Variants in DIAPH1 observed in about 807,000 individuals in gnomAD.
DIAPH1 encodes diaphanous related formin 1.
In DIAPH1, 46 loss-of-function variants were observed where a neutral mutation model predicts 140.7. That is an observed-to-expected ratio of 0.33 (90% CI 0.26 to 0.42). The LOEUF (loss-of-function observed/expected upper bound fraction) is 0.42. Ranked by LOEUF, DIAPH1 falls within the 10% of genes least tolerant of loss-of-function variation. DIAPH1 has a pLI of 1.00. For missense variants in DIAPH1, 1,310 were observed against 1,558.7 expected, an observed-to-expected ratio of 0.84 and a Z score of 2.69; for synonymous variants, 565 against 551.6, an observed-to-expected ratio of 1.02 and a Z score of -0.34.
intron 18 of DIAPH1, among the ~76,000 whole-genome samples, chr5:141,543,008 A>G (rs1288529881): frequency 6.6e-6 from 1 of 152,148 alleles, no homozygotes; most frequent in Non-Finnish European, 1.5e-5. Context: ...ACTTGTATTT[A>G]GAAGATGCAT....
intron 1 of DIAPH1, among the ~76,000 whole-genome samples, chr5:141,602,281 A>G (rs999372336): frequency 2.6e-5 from 4 of 152,190 alleles, no homozygotes; most frequent in African/African-American, 4.8e-5. Context: ...CAGTGGCGCA[A>G]TCTTGGCTCA....
Position 141,615,414 on chromosome 5 carries a change from C to G in DIAPH1, c.117+3384G>C, listed in dbSNP as rs369637094. Among the ~76,000 whole-genome samples the G allele has an allele frequency of 1.2e-4, 14 of 114,562 alleles. 1 individual carries two copies. The South Asian group carries it at 3.7e-3, about 30-fold the overall frequency. The allele number at this position is 114,562 out of a possible 152,430, so 75.2% of individuals were successfully genotyped here. A position where few individuals can be genotyped will look rare whatever the true frequency, so the allele number is the denominator to read the frequency against. ...CGCCACTGCACTGCAGCCTTGGACA[C>G]AGCAAGACTCGTCTCAGAAAAAGAA... On this transcript the variant is annotated intron_variant, in intron 1 of 27. Transcript: ENST00000389054.
intron 18 of DIAPH1, among the ~76,000 whole-genome samples, chr5:141,548,290 A>C (rs1227874125): frequency 6.6e-6 from 1 of 152,052 alleles, no homozygotes; most frequent in Non-Finnish European, 1.5e-5. Flanking sequence ...TAAAAAAAAA[A>C]AAAAGAAAAA....
intron 26 of DIAPH1, chr5:141,524,451 C>G: frequency 1.7e-6 from 1 of 581,400 alleles, no homozygotes; most frequent in Non-Finnish European, 3.1e-6. Flanking sequence ...TGCCTATTAT[C>G]CAATGCAGAC....
intron 6 of DIAPH1, 95 bp downstream of exon 6, chr5:141,583,111 A>G (rs887951141): frequency 9.0e-7 from 1 of 1,114,422 alleles, no homozygotes; most frequent in Admixed American, 1.7e-5. Context: ...CTAGCCCACA[A>G]CTTTACATTT....
At chr5:141,614,288 T>C (rs2099902297) in intron 1 of DIAPH1, among the ~76,000 whole-genome samples, 1 of 152,200 alleles carries the variant, frequency 6.6e-6, no homozygotes, top group African/African-American at 2.4e-5. Context: ...TATTTTAACC[T>C]GTTCTTCTAA....
chr5:141,607,796 T>C (rs1414995577), intron 1 of DIAPH1, among the ~76,000 whole-genome samples: 1 of 152,192 alleles, frequency 6.6e-6, no homozygotes, highest in Admixed American at 6.5e-5. Context: ...TTTCCCTCTC[T>C]ACTCTGCCAA....
intron 1 of DIAPH1, among the ~76,000 whole-genome samples, chr5:141,591,838 C>T (rs1330994395): frequency 6.7e-6 from 1 of 149,796 alleles, no homozygotes; most frequent in African/African-American, 2.5e-5. Flanking sequence ...AATCCCAGCA[C>T]TTTGGGAGGC....
In DIAPH1 at chr5:141,573,357, C is replaced by A; in HGVS notation, c.2358+135G>T. ...GGCTGAGGCAGGAGAATGGCGTGAACCCGGGAGGCGGAGCTTGCAGTGAGC... is the reference window on the plus strand; with the variant it reads ...GGCTGAGGCAGGAGAATGGCGTGAAACCGGGAGGCGGAGCTTGCAGTGAGC... On this transcript the variant is annotated intron_variant, in intron 16 of 27. Transcript: ENST00000389054. 4.6e-6 allele frequency: 5 copies of A among 1,095,154 alleles called. No individual in the cohort carries two copies. In the South Asian group the frequency reaches 6.6e-5, roughly 14 times the overall value. The allele number at this position is 1,095,154 out of a possible 1,614,324, so 67.8% of individuals were successfully genotyped here. A position where few individuals can be genotyped will look rare whatever the true frequency, so the allele number is the denominator to read the frequency against.
intron 1 of DIAPH1, among the ~76,000 whole-genome samples, chr5:141,601,835 A>G (rs2099900188): frequency 6.6e-6 from 1 of 152,262 alleles, no homozygotes; most frequent in African/African-American, 2.4e-5. Flanking sequence ...ACAGTACACT[A>G]TGATTGTTAC....
intron 3 of DIAPH1, among the ~76,000 whole-genome samples, chr5:141,584,625 T>C (rs2099897252): frequency 6.6e-6 from 1 of 152,168 alleles, no homozygotes; most frequent in Non-Finnish European, 1.5e-5. Context: ...CAACAAACTC[T>C]GCACCAACTC....
rs577485731 is a variant in DIAPH1 at position 141,589,321 on chromosome 5, G to A, written c.118-1071C>T. On this transcript the variant is annotated intron_variant, in intron 1 of 27. Transcript: ENST00000389054. Reference sequence around the variant, plus strand: ...ATGTAGTGTTACAGTGTTTATGGCCGGCTGGCCACTCTGACAGATATTATT... The same window carrying A: ...ATGTAGTGTTACAGTGTTTATGGCCAGCTGGCCACTCTGACAGATATTATT... 2.0e-4 allele frequency among the ~76,000 whole-genome samples: 30 copies of A among 152,322 alleles called. 1 individual carries two copies. Among genetic ancestry groups the A allele is most frequent in the South Asian group, 1.0e-3 (5 of 4,832 alleles).
intron 1 of DIAPH1, 62 bp downstream of exon 1, chr5:141,618,736 G>A (rs2099903118): frequency 8.1e-7 from 1 of 1,241,428 alleles, no homozygotes; most frequent in South Asian, 1.3e-5. Context: ...CCAGGGGCCG[G>A]CTGCAGGGGT....
At chr5:141,531,391 C>T (rs912102778) in intron 19 of DIAPH1, among the ~76,000 whole-genome samples, 3 of 151,988 alleles carry the variant, frequency 2.0e-5, no homozygotes, top group Non-Finnish European at 4.4e-5. Flanking sequence ...CTCATGGCAG[C>T]CTGGACCTCC....
Position 141,571,936 on chromosome 5 carries a change from G to C in DIAPH1, c.2463C>G (p.Ala821=), listed in dbSNP as rs776449168. 1.2e-5 allele frequency: 20 copies of C among 1,612,862 alleles called. No homozygotes were observed. The Admixed American group carries it at 3.3e-4, about 27-fold the overall frequency. Residue 821 remains alanine, a synonymous_variant, in exon 17 of 28, where the codon GCC becomes GCG. Coordinates refer to ENST00000389054, the MANE Select transcript of DIAPH1 (RefSeq NM_005219.5). ...GAGGAAGGTACTCACTCTTGGTCTG[G>C]GCAGAGAAGGTAAGGGTAAGTTTGG... is the stretch of plus-strand genomic sequence containing the variant. The part of the protein sequence containing the change: ...LFAKLTLTFS[A]QTKTSKAKKD...
At chr5:141,522,322 G>A (rs1191226339) in intron 27 of DIAPH1, among the ~76,000 whole-genome samples, 1 of 152,174 alleles carries the variant, frequency 6.6e-6, no homozygotes, top group Non-Finnish European at 1.5e-5. Flanking sequence ...TCTTGCATGG[G>A]AGAGAGTACT....
chr5:141,598,082 TA>T (rs1333857241), intron 1 of DIAPH1, among the ~76,000 whole-genome samples: 8 of 152,188 alleles, frequency 5.3e-5, no homozygotes, highest in African/African-American at 1.9e-4. Context: ...GGTGCACTCG[TA>T]AACACTCACA....
Position 141,573,751 on chromosome 5 carries a change from A to G in DIAPH1, c.2099T>C (p.Ile700Thr), listed in dbSNP as rs199830182. The change falls in exon 16 of 28, where the codon ATT (isoleucine) becomes ACT (threonine). Residue 700 changes from isoleucine (I) to threonine (T), a missense_variant. By Grantham distance (89) the Ile-to-Thr change is moderately conservative (BLOSUM62 -1). Transcript: ENST00000389054. ...PPPPLPGSAGIPPPPPPLPGE... is the reference protein window; with the variant it reads ...PPPPLPGSAGTPPPPPPLPGE... ...AGGCAAGGGAGGAGGTGGGGGGGGA[A>G]TTCCAGCACTCCCAGGCAAAGGAGG... 1.4e-5 allele frequency: 18 copies of G among 1,276,012 alleles called. No homozygotes were observed. The highest frequency in any genetic ancestry group is 1.6e-5 in the Non-Finnish European group (16 of 973,548). The allele number at this position is 1,276,012 out of a possible 1,614,324, so 79.0% of individuals were successfully genotyped here. A position where few individuals can be genotyped will look rare whatever the true frequency, so the allele number is the denominator to read the frequency against.
At chr5:141,544,970 A>G (rs1005896387) in intron 18 of DIAPH1, among the ~76,000 whole-genome samples, 2 of 152,204 alleles carry the variant, frequency 1.3e-5, no homozygotes, top group African/African-American at 4.8e-5. Context: ...AGCTTTATTC[A>G]TAATTGCCAA....
Sources: gnomAD v4.1 joint callset for allele counts (sites outside exome capture counted in the v4.1 genomes callset) on GRCh38, gnomAD v4.1.1 for gene constraint, MANE v1.5 for transcripts, NCBI Gene and HGNC (gene_info 2026-07-23, HGNC 2026-07-21) for gene names.